The following SYNPR variants were observed in gnomAD, a reference collection of about 807,000 sequenced individuals.
The protein encoded by SYNPR is synaptoporin.
Under a neutral mutation model 32.9 loss-of-function variants are expected in SYNPR, and 23 were observed. The ratio of observed to expected loss-of-function variants is 0.70; its 90% confidence interval spans 0.50 to 0.99. SYNPR has a LOEUF of 0.99. Among genes scored for constraint, SYNPR ranks in the 50% least tolerant of loss-of-function variants. SYNPR has a pLI of 0.00. For missense variants in SYNPR, 318 were observed against 349.3 expected, an observed-to-expected ratio of 0.91 and a Z score of 0.71; for synonymous variants, 146 against 135.9, an observed-to-expected ratio of 1.07 and a Z score of -0.52.
At chr3:63,244,977 G>A (rs966665854) in intron 1 of SYNPR, among the ~76,000 whole-genome samples, 13 of 151,858 alleles carry the variant, frequency 8.6e-5, no homozygotes, top group African/African-American at 2.9e-4. Flanking sequence ...ACAGGAGCTC[G>A]GAAAAACTAG....
chr3:63,447,942 G>A (rs1700308588), intron 2 of SYNPR, among the ~76,000 whole-genome samples: 1 of 152,132 alleles, frequency 6.6e-6, no homozygotes, highest in Non-Finnish European at 1.5e-5. Flanking sequence ...GATGTGTTGG[G>A]CATAAAAGGT....
At chr3:63,462,579 C>G (rs570795975) in intron 2 of SYNPR, among the ~76,000 whole-genome samples, 1 of 152,084 alleles carries the variant, frequency 6.6e-6, no homozygotes, top group Non-Finnish European at 1.5e-5. Flanking sequence ...CTGAGTTATA[C>G]TTTATTCCCA....
At chr3:63,334,783 A>T (rs976168661) in intron 2 of SYNPR, among the ~76,000 whole-genome samples, 2 of 152,088 alleles carry the variant, frequency 1.3e-5, no homozygotes, top group African/African-American at 4.8e-5. Flanking sequence ...TGTAGCTACT[A>T]AAATTATTAG....
At chr3:63,573,556 T>C (rs536730556) in intron 4 of SYNPR, among the ~76,000 whole-genome samples, 2 of 152,316 alleles carry the variant, frequency 1.3e-5, no homozygotes, top group South Asian at 2.1e-4. Flanking sequence ...GGGAGCAGCT[T>C]TGAAGTCATC....
At chr3:63,279,287 T>G (rs766589672) in intron 2 of SYNPR, among the ~76,000 whole-genome samples, 3 of 152,166 alleles carry the variant, frequency 2.0e-5, no homozygotes, top group Non-Finnish European at 4.4e-5. Flanking sequence ...TATTACAGAC[T>G]GTTATAAACG....
At chr3:63,273,913 A>G (rs1317262375), upstream of SYNPR, among the ~76,000 whole-genome samples, 1 of 152,216 alleles carries the variant, frequency 6.6e-6, no homozygotes, top group East Asian at 1.9e-4. Context: ...TTATTCTAAC[A>G]TTAGAGTTTT....
chr3:63,228,858 C>A (rs2086148300), intron 1 of SYNPR, among the ~76,000 whole-genome samples: 1 of 151,802 alleles, frequency 6.6e-6, no homozygotes, highest in African/African-American at 2.4e-5. Flanking sequence ...TTCACGCCAT[C>A]TGAGACCCGG....
At chr3:63,252,812 G>A (rs1560168960) in intron 2 of SYNPR, among the ~76,000 whole-genome samples, 1 of 152,096 alleles carries the variant, frequency 6.6e-6, no homozygotes, top group Non-Finnish European at 1.5e-5. Context: ...TGGCTGAGGA[G>A]GGCAGATCAC....
intron 3 of SYNPR, among the ~76,000 whole-genome samples, chr3:63,523,648 G>T (rs897076321): frequency 6.6e-6 from 1 of 152,138 alleles, no homozygotes; most frequent in African/African-American, 2.4e-5. Flanking sequence ...GCTTCTTGGG[G>T]ATGTCAGAAA....
chr3:63,306,341 T>A (rs1284435298), intron 2 of SYNPR, among the ~76,000 whole-genome samples: 1 of 151,906 alleles, frequency 6.6e-6, no homozygotes, highest in South Asian at 2.1e-4. Flanking sequence ...TCCCTTTCAA[T>A]ATGTTTGAAT....
intron 2 of SYNPR, among the ~76,000 whole-genome samples, chr3:63,357,732 C>T (rs549107873): frequency 6.6e-6 from 1 of 152,206 alleles, no homozygotes; most frequent in African/African-American, 2.4e-5. Context: ...ATTCTTGGGC[C>T]TTACTCCTAA....
intron 2 of SYNPR, among the ~76,000 whole-genome samples, chr3:63,321,789 T>C (rs1317940979): frequency 6.6e-6 from 1 of 152,018 alleles, no homozygotes; most frequent in Non-Finnish European, 1.5e-5. Flanking sequence ...GAGTAGCCAA[T>C]ATAAACACAA....
chr3:63,530,161 G>C (rs1459432788), intron 3 of SYNPR, among the ~76,000 whole-genome samples: 1 of 151,896 alleles, frequency 6.6e-6, no homozygotes, highest in African/African-American at 2.4e-5. Context: ...GGAGATAAAG[G>C]AAGGGGAAAA....
intron 2 of SYNPR, among the ~76,000 whole-genome samples, chr3:63,282,049 A>C (rs1401254473): frequency 6.6e-6 from 1 of 152,244 alleles, no homozygotes; most frequent in Non-Finnish European, 1.5e-5. Context: ...ATGGCTTAAC[A>C]TATAGTGAAT....
chr3:63,443,952 A>G (rs1179004990), intron 2 of SYNPR, among the ~76,000 whole-genome samples: 3 of 152,208 alleles, frequency 2.0e-5, no homozygotes, highest in African/African-American at 4.8e-5. Context: ...ATAAGGTCTT[A>G]TAGCAGTATG....
intron 3 of SYNPR, among the ~76,000 whole-genome samples, chr3:63,523,723 G>C (rs1475457537): frequency 1.3e-5 from 2 of 152,052 alleles, no homozygotes; most frequent in Admixed American, 1.3e-4. Flanking sequence ...TGATTTTTGG[G>C]TTTTGTTTGT....
chr3:63,217,650 T>C, the SYNPR span, among the ~76,000 whole-genome samples: 1 of 150,984 alleles, frequency 6.6e-6, no homozygotes, highest in Non-Finnish European at 1.5e-5. Flanking sequence ...CAGATGGAAA[T>C]GCAGAAATCA....
At chr3:63,299,937 C>T (rs75903692) in intron 2 of SYNPR, among the ~76,000 whole-genome samples, 4,298 of 152,154 alleles carry the variant, frequency 0.028, 222 homozygotes, top group African/African-American at 0.096. Flanking sequence ...ATCTCCTGTG[C>T]AGCAGGATGA....
intron 2 of SYNPR, among the ~76,000 whole-genome samples, chr3:63,351,167 C>T (rs549495114): frequency 3.9e-5 from 6 of 152,266 alleles, no homozygotes; most frequent in African/African-American, 1.4e-4. Flanking sequence ...CTGAGTGATC[C>T]GCCCAATTGA....
Sources: gnomAD v4.1 joint callset for allele counts (sites outside exome capture counted in the v4.1 genomes callset) on GRCh38, gnomAD v4.1.1 for gene constraint, MANE v1.5 for transcripts, NCBI Gene and HGNC (gene_info 2026-07-23, HGNC 2026-07-21) for gene names.